The following TFEC variants were observed in gnomAD, a reference collection of about 807,000 sequenced individuals.
The protein encoded by TFEC is class E basic helix-loop-helix protein 34.
In TFEC, 31 loss-of-function variants were observed where a neutral mutation model predicts 41.6. The observed-to-expected ratio is 0.74, with a 90% CI of 0.56 to 1.01. TFEC has a LOEUF of 1.01. TFEC is among the 50% of genes least tolerant of loss of function. The probability of loss-of-function intolerance (pLI) is 0.00; values close to 1 mark genes in which losing one functional copy is unlikely to be tolerated. For missense variants in TFEC, 402 were observed against 404.1 expected (o/e 0.99, Z 0.04); for synonymous variants, 143 against 140.6 (o/e 1.02, Z -0.12).
At chr7:116,139,211 T>A (rs932657816) in intron 1 of TFEC, among the ~76,000 whole-genome samples, 2 of 152,122 alleles carry the variant, frequency 1.3e-5, no homozygotes, top group African/African-American at 4.8e-5. Context: ...GCCTGTGAAG[T>A]AGAACAGTTT....
chr7:115,971,489 T>C (rs1367617797), intron 3 of TFEC, among the ~76,000 whole-genome samples: 6 of 151,968 alleles, frequency 3.9e-5, no homozygotes, highest in Non-Finnish European at 2.9e-5. Context: ...TTTTCCTCAC[T>C]TTATCTACCT....
Position 116,038,513 on chromosome 7 carries a change from G to A in TFEC, c.199-54000C>T, listed in dbSNP as rs188618607. Among the ~76,000 whole-genome samples the A allele has an allele frequency of 1.5e-4, 23 of 152,152 alleles. No individual in the cohort carries two copies. The East Asian group carries it at 4.2e-3, about 28-fold the overall frequency. The stretch of plus-strand genomic sequence containing the variant: ...ATCCTGAAGGTAAAGAAGGAAAGAT[G>A]TATTTAAAATTGGGAAAGGAAGATT... On this transcript the variant is annotated intron_variant, in intron 3 of 8. Transcript: ENST00000484212.
chr7:116,021,829 A>C (rs1338607296), intron 1 of TFEC, among the ~76,000 whole-genome samples: 1 of 151,974 alleles, frequency 6.6e-6, no homozygotes. Context: ...CAATGTATAC[A>C]GTTTTAGCTC....
chr7:116,006,748 GAT>G (rs1198640780), intron 1 of TFEC, among the ~76,000 whole-genome samples: 10 of 152,124 alleles, frequency 6.6e-5, no homozygotes, highest in Non-Finnish European at 4.4e-5. Flanking sequence ...GGGGCAGAAT[GAT>G]ATGATTTGGC....
intron 1 of TFEC, among the ~76,000 whole-genome samples, chr7:116,022,465 A>G (rs1399063878): frequency 1.3e-5 from 2 of 152,216 alleles, no homozygotes; most frequent in African/African-American, 4.8e-5. Context: ...GACAAGCTAT[A>G]TGCCTTGGAG....
chr7:115,950,993 G>T, intron 5 of TFEC, 44 bp from the exon 6 acceptor site: 1 of 1,248,322 alleles, frequency 8.0e-7, no homozygotes, highest in Non-Finnish European at 1.1e-6. Flanking sequence ...TTAATGCACA[G>T]TTCACTTTTG....
At chr7:116,097,755 A>G (rs1409238484) in intron 3 of TFEC, among the ~76,000 whole-genome samples, 1 of 152,206 alleles carries the variant, frequency 6.6e-6, no homozygotes, top group Non-Finnish European at 1.5e-5. Flanking sequence ...AAACAGCACA[A>G]ACAAAACTGT....
At chr7:115,959,093 A>T (rs956261583) in intron 3 of TFEC, among the ~76,000 whole-genome samples, 3 of 151,862 alleles carry the variant, frequency 2.0e-5, no homozygotes, top group African/African-American at 7.2e-5. Flanking sequence ...ATGAATACCT[A>T]TTTTATGAAG....
intron 1 of TFEC, among the ~76,000 whole-genome samples, chr7:116,021,586 A>G (rs1468380325): frequency 6.6e-6 from 1 of 152,220 alleles, no homozygotes; most frequent in Non-Finnish European, 1.5e-5. Context: ...ATAGGTATAG[A>G]TTTCAAATAC....
intron 1 of TFEC, among the ~76,000 whole-genome samples, chr7:116,151,655 A>C (rs1025843283): frequency 1.3e-5 from 2 of 150,052 alleles, no homozygotes; most frequent in African/African-American, 4.9e-5. Flanking sequence ...TTACAATGGA[A>C]TTTTTTTTTT....
At chr7:116,104,983 T>A (rs1797683668) in intron 3 of TFEC, among the ~76,000 whole-genome samples, 1 of 152,164 alleles carries the variant, frequency 6.6e-6, no homozygotes, top group Non-Finnish European at 1.5e-5. Context: ...TCATGTTCCA[T>A]AAGTTTTACC....
chr7:115,995,504 A>G (rs1247985225), intron 1 of TFEC, among the ~76,000 whole-genome samples: 2 of 152,192 alleles, frequency 1.3e-5, no homozygotes, highest in Non-Finnish European at 1.5e-5. Flanking sequence ...TTTGGTTGTT[A>G]CAAGATATTT....
chr7:115,956,725 T>G lies in TFEC; in HGVS notation c.336A>C (p.Thr112=). 6.2e-7 allele frequency: 1 copy of G among 1,610,842 alleles called. No individual in the cohort carries two copies. Among genetic ancestry groups the G allele is most frequent in the South Asian group, 1.1e-5 (1 of 90,872 alleles). ...GTAGACTACTTGGACAAGAAGCACT[T>G]GTAAGCCCCATGTTAATTGGTGAAA... ...QGISPINMGL[T]SASCPSSLPM... is the part of the protein sequence containing the mutation. Residue 112 remains threonine (T), a synonymous_variant, in exon 4 of 8, where the codon ACA becomes ACC. Coordinates refer to ENST00000265440, the MANE Select transcript of TFEC (RefSeq NM_012252.4).
chr7:116,057,584 A>AT (rs2130977307), intron 3 of TFEC, among the ~76,000 whole-genome samples: 1 of 152,060 alleles, frequency 6.6e-6, no homozygotes, highest in Admixed American at 6.6e-5. Context: ...GGAAAGAGTA[A>AT]TTTATGGGTA....
In TFEC at chr7:116,012,961, T is replaced by C. The variant is rs141844109; in HGVS notation, c.-73+17672A>G. Reference sequence around the variant, plus strand: ...AAGTCATTTTTATCATAATAAAATGTCATGATTAGAACTGCAGTATTCTAG... The same window carrying C: ...AAGTCATTTTTATCATAATAAAATGCCATGATTAGAACTGCAGTATTCTAG... On this transcript the variant is annotated intron_variant, in intron 1 of 7. Coordinates refer to ENST00000265440, the MANE Select transcript of TFEC (RefSeq NM_012252.4). 6.6e-3 allele frequency among the ~76,000 whole-genome samples: 998 copies of C among 152,114 alleles called. 12 individuals carry two copies. The highest frequency in any genetic ancestry group is 0.022 in the African/African-American group (908 of 41,554).
intron 1 of TFEC, among the ~76,000 whole-genome samples, chr7:116,155,630 T>G (rs934310584): frequency 6.6e-6 from 1 of 152,200 alleles, no homozygotes; most frequent in Non-Finnish European, 1.5e-5. Flanking sequence ...CTGTGAATGC[T>G]CTTATGCACT....
At chr7:116,109,083 T>TA (rs1797787941) in intron 3 of TFEC, among the ~76,000 whole-genome samples, 1 of 151,856 alleles carries the variant, frequency 6.6e-6, no homozygotes, top group Non-Finnish European at 1.5e-5. Flanking sequence ...CAAGATGGAT[T>TA]AAAGACTTAA....
chr7:115,970,904 T>A (rs901059249), intron 3 of TFEC, among the ~76,000 whole-genome samples: 1 of 151,950 alleles, frequency 6.6e-6, no homozygotes, highest in African/African-American at 2.4e-5. Context: ...AGGCAAATAA[T>A]CCCCTTTTCT....
In TFEC at chr7:115,956,674, A is replaced by C; in HGVS notation, c.382+5T>G. On this transcript the variant is annotated splice_donor_5th_base_variant and intron_variant, in intron 4 of 7. Coordinates refer to ENST00000265440, the MANE Select transcript of TFEC (RefSeq NM_012252.4). ...AAAAGGGTAAAACTATAAAAGCAAC[A>C]TTACCTGTAATTTCTCTTTTCATTG... The C allele has an allele frequency of 6.3e-7, 1 of 1,587,630 alleles. No individual in the cohort carries two copies. The highest frequency in any genetic ancestry group is 8.6e-7 in the Non-Finnish European group (1 of 1,163,416).
Sources: gnomAD v4.1 joint callset for allele counts (sites outside exome capture counted in the v4.1 genomes callset) on GRCh38, gnomAD v4.1.1 for gene constraint, MANE v1.5 for transcripts, NCBI Gene and HGNC (gene_info 2026-07-23, HGNC 2026-07-21) for gene names.